The following GARRE1 variants were observed in gnomAD, a reference collection of about 807,000 sequenced individuals.
GARRE1 encodes granule associated Rac and RHOG effector 1.
Under a neutral mutation model 103.2 loss-of-function variants are expected in GARRE1, and 49 were observed. The observed-to-expected ratio is 0.47, with a 90% confidence interval of 0.38 to 0.60. The LOEUF is 0.60. GARRE1 is among the 20% of genes least tolerant of loss of function. GARRE1 has a pLI of 0.00. For synonymous variants in GARRE1, 505 were observed against 532.8 expected (o/e 0.95, Z 0.72); for missense variants, 1,199 against 1,370.5 (o/e 0.87, Z 1.98).
chr19:34,318,901 G>C (rs2074072071), intron 2 of GARRE1, among the ~76,000 whole-genome samples: 1 of 152,074 alleles, frequency 6.6e-6, no homozygotes, highest in South Asian at 2.1e-4. Flanking sequence ...AATTAGCCGG[G>C]TGTGATAGTG....
chr19:34,307,264 TG>T (rs1050152225), intron 2 of GARRE1, among the ~76,000 whole-genome samples: 5 of 152,200 alleles, frequency 3.3e-5, no homozygotes, highest in African/African-American at 1.2e-4. Flanking sequence ...GCCATTCTTT[TG>T]TAGTGAGCAG....
chr19:34,293,021 C>G (rs2073926735), intron 1 of GARRE1, among the ~76,000 whole-genome samples: 1 of 152,106 alleles, frequency 6.6e-6, no homozygotes, highest in Non-Finnish European at 1.5e-5. Context: ...TTTTACAATC[C>G]TATATGCAAT....
chr19:34,309,009 C>T (rs139592000), intron 2 of GARRE1, among the ~76,000 whole-genome samples: 74 of 152,070 alleles, frequency 4.9e-4, no homozygotes, highest in East Asian at 9.6e-4. Context: ...GTCATCACGT[C>T]TCCTGATGTG....
chr19:34,257,282 A>G (rs999948900), intron 1 of GARRE1, among the ~76,000 whole-genome samples: 3 of 152,046 alleles, frequency 2.0e-5, no homozygotes, highest in Non-Finnish European at 1.5e-5. Flanking sequence ...TTCCAAGTCT[A>G]TAGGAAATAA....
chr19:34,339,044 G>A (rs898259604), intron 8 of GARRE1, among the ~76,000 whole-genome samples: 2 of 152,194 alleles, frequency 1.3e-5, no homozygotes, highest in Non-Finnish European at 2.9e-5. Flanking sequence ...AGGATTCACT[G>A]ATGGATTGCA....
intron 1 of GARRE1, among the ~76,000 whole-genome samples, chr19:34,273,940 A>T (rs1453084536): frequency 2.6e-5 from 4 of 152,176 alleles, no homozygotes; most frequent in Admixed American, 1.3e-4. Flanking sequence ...TTTTAAGCGC[A>T]GAGTGGTGTG....
intron 8 of GARRE1, among the ~76,000 whole-genome samples, chr19:34,337,875 C>G (rs2074168251): frequency 6.6e-6 from 1 of 152,208 alleles, no homozygotes; most frequent in African/African-American, 2.4e-5. Flanking sequence ...AAGTCACAAC[C>G]AGACTTGGCT....
At chr19:34,254,786 C>T (rs562073152) in intron 1 of GARRE1, among the ~76,000 whole-genome samples, 172 bp downstream of exon 1, 1 of 149,088 alleles carries the variant, frequency 6.7e-6, no homozygotes, top group Admixed American at 6.7e-5. Context: ...GCCCCTTGCC[C>T]GCCCGCTGTG....
intron 1 of GARRE1, among the ~76,000 whole-genome samples, chr19:34,292,795 C>T (rs1033403731): frequency 1.3e-5 from 2 of 151,168 alleles, no homozygotes; most frequent in Non-Finnish European, 2.9e-5. Context: ...AATGCAGTGG[C>T]GTGATCTCGG....
chr19:34,287,836 A>G (rs1012345508), intron 1 of GARRE1, among the ~76,000 whole-genome samples: 4 of 152,110 alleles, frequency 2.6e-5, no homozygotes, highest in Non-Finnish European at 5.9e-5. Flanking sequence ...TGATGGCTGC[A>G]CCCTCATGAC....
intron 1 of GARRE1, among the ~76,000 whole-genome samples, chr19:34,260,009 C>G (rs1406904712): frequency 6.6e-6 from 1 of 152,178 alleles, no homozygotes. Flanking sequence ...GCCTCCCAGC[C>G]CTGGGGAACT....
At position 34,300,711 on chromosome 19, in the gene GARRE1, A is replaced by G. The variant is rs1349656190; in HGVS notation, c.238A>G (p.Ile80Val). ...TTPIADIQQG[I>V]SKYLDALNVF... ...TCCTATCGCCGACATCCAGCAGGGC[A>G]TCTCCAAGTATCTGGATGCCCTGAA... Residue 80 changes from isoleucine (I) to valine (V), a missense_variant, in exon 2 of 14, where the codon ATC becomes GTC. By Grantham distance (29) the Ile-to-Val change is conservative (BLOSUM62 3). Transcript: ENST00000299505. The G allele has an allele frequency of 2.6e-5, 42 of 1,614,202 alleles. No homozygotes were observed. The highest frequency in any genetic ancestry group is 3.0e-5 in the Non-Finnish European group (35 of 1,180,044).
Position 34,279,980 on chromosome 19 carries a change from G to A in GARRE1, c.-795-19699G>A, listed in dbSNP as rs113724925. 2.6e-3 allele frequency among the ~76,000 whole-genome samples: 299 copies of A among 115,886 alleles called. 1 individual carries two copies. Among genetic ancestry groups the A allele is most frequent in the Admixed American group, 4.7e-3 (53 of 11,240 alleles). 76.0% of individuals were successfully genotyped at this position (115,886 alleles called of 152,430 possible). ...AGCCTGGGCGACAGAGCGAGACTCCGTCTCAAAAAAAAAAAAAAAAAAAAA... is the reference window on the plus strand; with the variant it reads ...AGCCTGGGCGACAGAGCGAGACTCCATCTCAAAAAAAAAAAAAAAAAAAAA... On this transcript the variant is annotated intron_variant, in intron 1 of 13. Coordinates refer to ENST00000299505, the MANE Select transcript of GARRE1 (RefSeq NM_014686.5).
At chr19:34,344,982 G>C (rs187560583) in intron 10 of GARRE1, among the ~76,000 whole-genome samples, 28 of 152,240 alleles carry the variant, frequency 1.8e-4, no homozygotes, top group Non-Finnish European at 1.9e-4. Context: ...AGGACTACAG[G>C]CGCACGCTAC....
Position 34,330,240 on chromosome 19 carries a change from T to C in GARRE1, c.1156T>C (p.Ser386Pro). The part of the protein sequence containing the change: ...KEAGCYNGIT[S>P]RDDFPVTEVL... Reference sequence around the variant, plus strand: ...GGCAGGCTGCTATAATGGAATCACATCCAGGGATGATTTTCCTGTGACTGA... The same window carrying C: ...GGCAGGCTGCTATAATGGAATCACACCCAGGGATGATTTTCCTGTGACTGA... Residue 386 changes from serine (S) to proline (P), a missense_variant, in exon 7 of 14, where the codon TCC becomes CCC. Transcript: ENST00000299505. 5.6e-6 allele frequency: 9 copies of C among 1,614,160 alleles called. No homozygotes were observed. Among genetic ancestry groups the C allele is most frequent in the Non-Finnish European group, 7.6e-6 (9 of 1,179,992 alleles).
At chr19:34,326,924 G>A (rs1361397609) in intron 3 of GARRE1, among the ~76,000 whole-genome samples, 1 of 152,090 alleles carries the variant, frequency 6.6e-6, no homozygotes, top group African/African-American at 2.4e-5. Flanking sequence ...GGAGGCCGAG[G>A]TGGGTGGATC....
chr19:34,292,543 C>G (rs926365870), intron 1 of GARRE1, among the ~76,000 whole-genome samples: 1 of 152,054 alleles, frequency 6.6e-6, no homozygotes, highest in Non-Finnish European at 1.5e-5. Context: ...ATTTTGAGGA[C>G]CTGCCAAACT....
chr19:34,348,898 C>T (rs531702391), intron 11 of GARRE1, 118 bp from the exon 12 acceptor site: 5 of 1,176,558 alleles, frequency 4.2e-6, no homozygotes, highest in East Asian at 2.4e-5. Context: ...AAGGGAGAGA[C>T]AAGAGACCAC....
At chr19:34,259,254 G>T (rs2073698510) in intron 1 of GARRE1, among the ~76,000 whole-genome samples, 1 of 152,212 alleles carries the variant, frequency 6.6e-6, no homozygotes, top group African/African-American at 2.4e-5. Flanking sequence ...TTACCAGCCG[G>T]TGAATCACAT....
Sources: allele counts gnomAD v4.1 joint callset (sites outside exome capture counted in the v4.1 genomes callset), GRCh38; gene constraint gnomAD v4.1.1; transcripts MANE v1.5; gene names NCBI Gene and HGNC (gene_info 2026-07-23, HGNC 2026-07-21).